The following TMEM61 variants were observed in gnomAD, a reference collection of about 807,000 sequenced individuals.
The protein encoded by TMEM61 is transmembrane protein 61.
In TMEM61, 13 loss-of-function variants were observed where a neutral mutation model predicts 12.0. The ratio of observed to expected loss-of-function variants is 1.08; its 90% CI spans 0.70 to 1.72. The LOEUF is 1.72. Ranked by LOEUF, TMEM61 falls within the 40% of genes most tolerant of loss-of-function variation. The pLI is 0.00. For missense variants in TMEM61, 249 were observed against 276.9 expected, an observed-to-expected ratio of 0.90 and a Z score of 0.71; for synonymous variants, 109 against 121.4, an observed-to-expected ratio of 0.90 and a Z score of 0.67.
At chr1:54,984,745 C>A (rs1444581685) in intron 1 of TMEM61, among the ~76,000 whole-genome samples, 1 of 152,148 alleles carries the variant, frequency 6.6e-6, no homozygotes, top group Non-Finnish European at 1.5e-5. Flanking sequence ...AAAGGTGGCC[C>A]AGGGCACTTA....
intron 1 of TMEM61, among the ~76,000 whole-genome samples, chr1:54,983,109 G>GGTTTTT (rs1644233995): frequency 1.8e-5 from 2 of 109,522 alleles, no homozygotes; most frequent in Non-Finnish European, 3.7e-5. Context: ...GTTTTGCTTT[G>GGTTTTT]TTTTTTTTTT....
chr1:54,982,496 G>A (rs1354553819), intron 1 of TMEM61, among the ~76,000 whole-genome samples: 1 of 152,196 alleles, frequency 6.6e-6, no homozygotes, highest in East Asian at 1.9e-4. Flanking sequence ...CCGTCCCCCA[G>A]GATGGCAGGT....
intron 1 of TMEM61, among the ~76,000 whole-genome samples, chr1:54,985,170 C>A (rs775235029): frequency 2.0e-5 from 3 of 152,010 alleles, no homozygotes; most frequent in Non-Finnish European, 4.4e-5. Context: ...AACATTTTAG[C>A]ACTTTCCAAA....
At chr1:54,985,997 T>C in intron 1 of TMEM61, 100 bp from the exon 2 acceptor site, 1 of 1,085,896 alleles carries the variant, frequency 9.2e-7, no homozygotes, top group African/African-American at 1.6e-5. Context: ...AAGTGACTTC[T>C]CCAAGGTTGT....
rs768837191 is a variant in TMEM61 at position 54,991,970 on chromosome 1, G to GCACCCAGCCCGCCTGGCCTC, written c.509_528dup (p.Tyr177ProfsTer45). On this transcript the variant is annotated frameshift_variant, in exon 3 of 3. Transcript: ENST00000371268. LOFTEE classifies it low-confidence loss of function (END_TRUNC). The stretch of plus-strand genomic sequence containing the variant: ...AGTGGATCGAGGGATGCCCTGCTCA[G>GCACCCAGCCCGCCTGGCCTC]CACCCAGCCCGCCTGGCCTCCACCC... 1.2e-6 allele frequency: 2 copies of GCACCCAGCCCGCCTGGCCTC among 1,614,182 alleles called. No individual in the cohort carries two copies. Among genetic ancestry groups the GCACCCAGCCCGCCTGGCCTC allele is most frequent in the Admixed American group, 1.7e-5 (1 of 60,026 alleles).
chr1:54,980,727 G>A lies in TMEM61; in HGVS notation c.-339G>A, dbSNP rs534841219. ...AGGCCCGGGTCCCGCGCTCCCCTGG[G>A]CGCCCCACGGCAGCCTCAGAGCCCC... On this transcript the variant is annotated 5_prime_UTR_variant, in exon 1 of 3. Transcript: ENST00000371268. 33 of 267,708 alleles carry A rather than the reference G, an allele frequency of 1.2e-4. No homozygotes were observed. Among genetic ancestry groups the A allele is most frequent in the South Asian group, 6.9e-4 (4 of 5,822 alleles). 16.6% of individuals were successfully genotyped at this position (267,708 alleles called of 1,614,324 possible). A position where few individuals can be genotyped will look rare whatever the true frequency, so the allele number is the denominator to read the frequency against.
intron 1 of TMEM61, among the ~76,000 whole-genome samples, chr1:54,984,044 T>A (rs572191625): frequency 4.9e-4 from 75 of 152,098 alleles, no homozygotes; most frequent in Middle Eastern, 3.4e-3. Flanking sequence ...TCTCTCTCTC[T>A]CACACACACA....
chr1:54,987,981 C>T (rs1422921481), intron 2 of TMEM61, among the ~76,000 whole-genome samples: 1 of 152,206 alleles, frequency 6.6e-6, no homozygotes, highest in South Asian at 2.1e-4. Flanking sequence ...CCCTTTCTGT[C>T]TATGGGTTCT....
chr1:54,987,981 C>G (rs1422921481), intron 2 of TMEM61, among the ~76,000 whole-genome samples: 1 of 152,206 alleles, frequency 6.6e-6, no homozygotes, highest in Non-Finnish European at 1.5e-5. Flanking sequence ...CCCTTTCTGT[C>G]TATGGGTTCT....
At chr1:54,985,219 A>G (rs1018928891) in intron 1 of TMEM61, among the ~76,000 whole-genome samples, 124 of 150,724 alleles carry the variant, frequency 8.2e-4, no homozygotes, top group African/African-American at 2.9e-3. Flanking sequence ...GAACGTGTGT[A>G]TGTGTGTGTG....
intron 2 of TMEM61, among the ~76,000 whole-genome samples, chr1:54,987,442 T>C (rs1177959927): frequency 6.6e-6 from 1 of 152,154 alleles, no homozygotes; most frequent in Non-Finnish European, 1.5e-5. Context: ...TTTTTCCAAA[T>C]CCTCTTCCAT....
chr1:54,981,853 C>T (rs2101630676), intron 1 of TMEM61, among the ~76,000 whole-genome samples: 1 of 152,196 alleles, frequency 6.6e-6, no homozygotes, highest in Admixed American at 6.5e-5. Flanking sequence ...GCAGATAGGG[C>T]AAGATGAAGG....
At chr1:54,986,973 GC>G (rs1644265631) in intron 2 of TMEM61, among the ~76,000 whole-genome samples, 1 of 152,206 alleles carries the variant, frequency 6.6e-6, no homozygotes, top group Non-Finnish European at 1.5e-5. Flanking sequence ...TGTTCAAAGT[GC>G]TCTTCCATAC....
intron 2 of TMEM61, among the ~76,000 whole-genome samples, chr1:54,989,362 G>A (rs1003536609): frequency 1.3e-5 from 2 of 152,234 alleles, no homozygotes; most frequent in Non-Finnish European, 2.9e-5. Flanking sequence ...GAGAACTTAA[G>A]TGTTGGGCAA....
chr1:54,985,219 A>ATATGTGTGTGTG (rs1346124256), intron 1 of TMEM61, among the ~76,000 whole-genome samples: 1 of 150,618 alleles, frequency 6.6e-6, no homozygotes, highest in Non-Finnish European at 1.5e-5. Flanking sequence ...GAACGTGTGT[A>ATATGTGTGTGTG]TGTGTGTGTG....
chr1:54,990,685 G>GTGA (rs1394429506), intron 2 of TMEM61, among the ~76,000 whole-genome samples: 8 of 152,156 alleles, frequency 5.3e-5, no homozygotes, highest in Non-Finnish European at 8.8e-5. Context: ...CTTGAGGCCT[G>GTGA]TGATAAGCTT....
rs779372894 is a variant in TMEM61, at chr1:54,981,034, G to A, written c.-32G>A. 4 of 1,559,560 alleles carry A rather than the reference G, an allele frequency of 2.6e-6. No individual in the cohort carries two copies. The East Asian group carries it at 9.6e-5, about 37-fold the overall frequency. Reference sequence around the variant, plus strand: ...CCTTCACCTGCGCCCGGCTCCCTGCGCGCCTGGACAGCGCCTGCTGCCCGC... The same window carrying A: ...CCTTCACCTGCGCCCGGCTCCCTGCACGCCTGGACAGCGCCTGCTGCCCGC... On this transcript the variant is annotated 5_prime_UTR_variant, in exon 1 of 3. Transcript: ENST00000371268.
intron 1 of TMEM61, 49 bp from the exon 2 acceptor site, chr1:54,986,048 C>G (rs1644255501): frequency 6.6e-7 from 1 of 1,505,232 alleles, no homozygotes; most frequent in South Asian, 1.3e-5. Context: ...TGGCCTCCAG[C>G]ACCTTTCATA....
intron 2 of TMEM61, among the ~76,000 whole-genome samples, 172 bp from the exon 3 acceptor site, chr1:54,991,664 A>T (rs2500325): frequency 6.6e-6 from 1 of 152,068 alleles, no homozygotes; most frequent in Non-Finnish European, 1.5e-5. Flanking sequence ...GCTGAGGGCC[A>T]CAGGGGCTGG....
Sources: gnomAD v4.1 joint callset for allele counts (sites outside exome capture counted in the v4.1 genomes callset) on GRCh38, gnomAD v4.1.1 for gene constraint, MANE v1.5 for transcripts, NCBI Gene and HGNC (gene_info 2026-07-23, HGNC 2026-07-21) for gene names.